The following CSMD1 variants were observed in gnomAD, a reference collection of about 807,000 sequenced individuals.
CSMD1 encodes CUB and Sushi multiple domains 1.
CSMD1 carries 213 observed loss-of-function variants against 417.5 expected under a neutral mutation model. That is an observed-to-expected ratio of 0.51 (90% confidence interval 0.46 to 0.57). The LOEUF (loss-of-function observed/expected upper bound fraction) is 0.57, where lower values mean the gene tolerates loss of function less well. CSMD1 is among the 20% of genes least tolerant of loss of function. The pLI, the probability that CSMD1 is intolerant of heterozygous loss-of-function variation, is 0.00. For missense variants in CSMD1, 6,923 were observed against 4,529.7 expected (o/e 1.53, Z -15.17); for synonymous variants, 2,862 against 1,736.8 (o/e 1.65, Z -16.11).
intron 1 of CSMD1, among the ~76,000 whole-genome samples, chr8:4,773,643 C>T (rs546876801): frequency 2.0e-5 from 3 of 152,220 alleles, no homozygotes; most frequent in South Asian, 2.1e-4. Flanking sequence ...GGTTATTGAA[C>T]GAGCACTGCA....
intron 25 of CSMD1, among the ~76,000 whole-genome samples, chr8:3,305,477 C>CTG (rs1433558882): frequency 6.6e-6 from 1 of 152,044 alleles, no homozygotes; most frequent in Non-Finnish European, 1.5e-5. Flanking sequence ...GGGATTAATG[C>CTG]TGTTATCATG....
chr8:4,261,427 T>C (rs1029423359), intron 3 of CSMD1, among the ~76,000 whole-genome samples: 6 of 152,148 alleles, frequency 3.9e-5, no homozygotes, highest in African/African-American at 2.4e-5. Flanking sequence ...AAATGGGGAA[T>C]AATTGTCAAA....
chr8:3,446,022 G>C (rs905000617), intron 12 of CSMD1, among the ~76,000 whole-genome samples: 1 of 152,110 alleles, frequency 6.6e-6, no homozygotes, highest in Non-Finnish European at 1.5e-5. Context: ...ATACTGTCCC[G>C]GGCCCGGATT....
At chr8:4,206,585 T>A (rs185920163) in intron 3 of CSMD1, among the ~76,000 whole-genome samples, 1 of 152,236 alleles carries the variant, frequency 6.6e-6, no homozygotes, top group African/African-American at 2.4e-5. Context: ...CAGTCTATCA[T>A]TGATGGACAT....
chr8:3,896,563 G>C (rs908908686), intron 5 of CSMD1, among the ~76,000 whole-genome samples: 2 of 151,954 alleles, frequency 1.3e-5, no homozygotes, highest in Non-Finnish European at 2.9e-5. Flanking sequence ...CCAGGCTGGA[G>C]TGCAGTGGCG....
chr8:3,236,695 C>A (rs556351201), intron 26 of CSMD1, among the ~76,000 whole-genome samples: 6 of 152,260 alleles, frequency 3.9e-5, no homozygotes, highest in Non-Finnish European at 8.8e-5. Context: ...GGGCTGTATT[C>A]TTTTATGTGC....
At chr8:4,135,383 AGG>A (rs1397283562) in intron 3 of CSMD1, among the ~76,000 whole-genome samples, 4 of 17,938 alleles carry the variant, frequency 2.2e-4, no homozygotes, top group Non-Finnish European at 4.0e-4. Context: ...AGTGGGAAAG[AGG>A]GGGAAGGAAG....
chr8:4,139,270 G>A (rs1803630147), intron 3 of CSMD1, among the ~76,000 whole-genome samples: 1 of 152,176 alleles, frequency 6.6e-6, no homozygotes, highest in African/African-American at 2.4e-5. Context: ...AGTGTAAAGT[G>A]TTGCATAATT....
intron 11 of CSMD1, among the ~76,000 whole-genome samples, chr8:3,471,620 C>G (rs542393247): frequency 2.8e-5 from 4 of 140,968 alleles, no homozygotes; most frequent in African/African-American, 1.0e-4. Context: ...CTCCTTCCTT[C>G]CCTCCCTCTC....
chr8:4,647,859 T>C (rs1294849239), intron 1 of CSMD1, among the ~76,000 whole-genome samples: 3 of 152,174 alleles, frequency 2.0e-5, no homozygotes, highest in Non-Finnish European at 4.4e-5. Flanking sequence ...CTATTGTAAA[T>C]AGTACTGCAG....
intron 5 of CSMD1, among the ~76,000 whole-genome samples, chr8:3,785,733 C>T (rs1383951): frequency 0.86 from 130,752 of 152,144 alleles, 56,408 homozygotes; most frequent in African/African-American, 0.93. Flanking sequence ...GCCCAGGGTG[C>T]GGGGAGCCAG....
At chr8:3,069,324 A>C (rs1204519970) in intron 49 of CSMD1, among the ~76,000 whole-genome samples, 1 of 151,742 alleles carries the variant, frequency 6.6e-6, no homozygotes, top group African/African-American at 2.4e-5. Flanking sequence ...AATCCCAGCT[A>C]CTCGGGAGGC....
At chr8:3,368,198 T>C (rs1329535739) in intron 19 of CSMD1, among the ~76,000 whole-genome samples, 1 of 152,204 alleles carries the variant, frequency 6.6e-6, no homozygotes, top group Non-Finnish European at 1.5e-5. Context: ...CAAGTTCTTC[T>C]TTCATGTCAT....
At chr8:3,071,093 G>C (rs140697962) in intron 49 of CSMD1, among the ~76,000 whole-genome samples, 1 of 152,046 alleles carries the variant, frequency 6.6e-6, no homozygotes, top group African/African-American at 2.4e-5. Flanking sequence ...ACACACCCAG[G>C]TCTCAAAAAC....
intron 6 of CSMD1, among the ~76,000 whole-genome samples, chr8:3,746,973 A>C (rs1207746592): frequency 6.6e-6 from 1 of 152,230 alleles, no homozygotes; most frequent in African/African-American, 2.4e-5. Flanking sequence ...AGCTGTGACT[A>C]AATTACAGCT....
At chr8:3,120,204 G>C (rs1348580090) in intron 41 of CSMD1, among the ~76,000 whole-genome samples, 1 of 152,176 alleles carries the variant, frequency 6.6e-6, no homozygotes, top group Non-Finnish European at 1.5e-5. Flanking sequence ...AGAGGGGCCA[G>C]CAGACAGGGG....
intron 12 of CSMD1, among the ~76,000 whole-genome samples, chr8:3,412,556 A>C (rs1427604972): frequency 6.6e-6 from 1 of 152,186 alleles, no homozygotes; most frequent in East Asian, 1.9e-4. Flanking sequence ...TGTTGAATAC[A>C]TAGGATATCA....
intron 2 of CSMD1, among the ~76,000 whole-genome samples, chr8:4,518,471 A>C (rs1171757936): frequency 6.6e-6 from 1 of 152,124 alleles, no homozygotes; most frequent in Non-Finnish European, 1.5e-5. Flanking sequence ...CTGAGATGAA[A>C]ACATACCAGT....
chr8:4,407,825 G>C (rs1796407133), intron 3 of CSMD1, among the ~76,000 whole-genome samples: 1 of 152,146 alleles, frequency 6.6e-6, no homozygotes, highest in African/African-American at 2.4e-5. Context: ...TTTTGAACAA[G>C]TGTGAAAGTC....
Sources: gnomAD v4.1 joint callset for allele counts (sites outside exome capture counted in the v4.1 genomes callset) on GRCh38, gnomAD v4.1.1 for gene constraint, MANE v1.5 for transcripts, NCBI Gene and HGNC (gene_info 2026-07-23, HGNC 2026-07-21) for gene names.